USP18: variants seen among roughly 807,000 people sequenced by gnomAD.
USP18 encodes the protein ubl carboxyl-terminal hydrolase 18.
Under a neutral mutation model 48.7 loss-of-function variants are expected in USP18, and 11 were observed. That is an observed-to-expected ratio of 0.23 (90% CI 0.14 to 0.37). USP18 has a LOEUF of 0.37. Ranked by LOEUF, USP18 falls within the 10% of genes least tolerant of loss-of-function variation. USP18 has a pLI of 1.00. For missense variants in USP18, 285 were observed against 436.4 expected, an observed-to-expected ratio of 0.65 and a Z score of 3.09; for synonymous variants, 114 against 163.2, an observed-to-expected ratio of 0.70 and a Z score of 2.30.
At chr22:18,167,690 T>C (rs1260218302) in intron 5 of USP18, among the ~76,000 whole-genome samples, 200 bp from the exon 6 acceptor site, 1 of 122,360 alleles carries the variant, frequency 8.2e-6, no homozygotes. Context: ...AGAGCGAGAC[T>C]CTGTCTCAAA....
intron 1 of USP18, among the ~76,000 whole-genome samples, chr22:18,152,500 T>C (rs1929026093): frequency 6.6e-6 from 1 of 151,194 alleles, no homozygotes; most frequent in Non-Finnish European, 1.5e-5. Flanking sequence ...GGAGCTAAGT[T>C]AGTTTAGTAT....
At chr22:18,175,063 G>A (rs1346110370) in intron 10 of USP18, among the ~76,000 whole-genome samples, 6 of 152,188 alleles carry the variant, frequency 3.9e-5, no homozygotes, top group East Asian at 3.9e-4. Flanking sequence ...ACAGGCGCCC[G>A]CCACCACGCC....
chr22:18,159,368 CT>C lies in USP18; in HGVS notation c.158-799del, dbSNP rs146408107. 8.6e-3 allele frequency among the ~76,000 whole-genome samples: 1,312 copies of C among 152,014 alleles called. 5 individuals are homozygous for C. The highest frequency in any genetic ancestry group is 0.014 in the Middle Eastern group (4 of 294). On this transcript the variant is annotated intron_variant, in intron 2 of 10. Coordinates refer to ENST00000215794, the MANE Select transcript of USP18 (RefSeq NM_017414.4). ...ACTGTGCTTGGCCCTTGTGATAGAG[CT>C]TTTTAAAGATTCATGTTTGATATCT... is the stretch of plus-strand genomic sequence containing the variant.
chr22:18,164,340 G>C (rs1425209993), intron 4 of USP18, among the ~76,000 whole-genome samples: 1 of 151,920 alleles, frequency 6.6e-6, no homozygotes, highest in East Asian at 1.9e-4. Flanking sequence ...GGGCCTGGGG[G>C]GATGTTCTTT....
intron 7 of USP18, among the ~76,000 whole-genome samples, chr22:18,170,263 G>T (rs1319521748): frequency 1.3e-5 from 2 of 151,776 alleles, no homozygotes; most frequent in Non-Finnish European, 2.9e-5. Context: ...CACTAGTCTG[G>T]GGTTGCCCCC....
At chr22:18,150,512 A>C (rs1401846938) in intron 1 of USP18, among the ~76,000 whole-genome samples, 1 of 152,262 alleles carries the variant, frequency 6.6e-6, no homozygotes, top group Non-Finnish European at 1.5e-5. Context: ...TGTGTCTCGC[A>C]GTCTTCCACT....
chr22:18,174,149 T>C (rs1217174682), intron 10 of USP18, among the ~76,000 whole-genome samples: 1 of 152,156 alleles, frequency 6.6e-6, no homozygotes, highest in Non-Finnish European at 1.5e-5. Flanking sequence ...TTCATACTCA[T>C]GGCCTTTTCC....
At chr22:18,157,337 C>G (rs62229509) in intron 1 of USP18, among the ~76,000 whole-genome samples, 1 of 152,136 alleles carries the variant, frequency 6.6e-6, no homozygotes, top group Non-Finnish European at 1.5e-5. Context: ...AGGGCGCTCC[C>G]GGTTAGGATT....
At position 18,173,140 on chromosome 22, in the gene USP18, C is replaced by T. The variant is rs887507051; in HGVS notation, c.892-10C>T. ...GGTGGGTGAACTGTCTCGTGCCTGT[C>T]TCTTTCCAGTCTGGAGGGCAGTATG... On this transcript the variant is annotated splice_polypyrimidine_tract_variant and intron_variant, in intron 8 of 10. Coordinates refer to ENST00000215794, the MANE Select transcript of USP18 (RefSeq NM_017414.4). 4 of 1,577,798 alleles carry T rather than the reference C, an allele frequency of 2.5e-6. No homozygotes were observed. In the African/African-American group the frequency reaches 4.1e-5, roughly 16 times the overall value.
chr22:18,160,681 G>GGAAA (rs762370850), intron 3 of USP18, among the ~76,000 whole-genome samples: 1 of 151,956 alleles, frequency 6.6e-6, no homozygotes, highest in Non-Finnish European at 1.5e-5. Flanking sequence ...AGCTGGCAGA[G>GGAAA]GAAAGATTGG....
chr22:18,156,546 C>G lies in USP18; in HGVS notation c.-106-1012C>G, dbSNP rs553843021. 6.6e-5 allele frequency among the ~76,000 whole-genome samples: 10 copies of G among 152,096 alleles called. No individual in the cohort carries two copies. In the East Asian group the frequency reaches 1.2e-3, roughly 18 times the overall value. On this transcript the variant is annotated intron_variant, in intron 1 of 10. Coordinates refer to ENST00000215794, the MANE Select transcript of USP18 (RefSeq NM_017414.4). ...ACCAGGAGGGACTAACAACTCCAGA[C>G]GCGCTGCCTTAAGAGCTGTAACACT...
At chr22:18,168,115 T>C (rs547601689) in intron 6 of USP18, 79 bp downstream of exon 6, 1 of 1,571,752 alleles carries the variant, frequency 6.4e-7, no homozygotes, top group African/African-American at 1.4e-5. Context: ...TATCTGAGAC[T>C]AGGTAATTTA....
chr22:18,172,126 T>C (rs1929644121), intron 8 of USP18, among the ~76,000 whole-genome samples: 1 of 152,140 alleles, frequency 6.6e-6, no homozygotes, highest in Non-Finnish European at 1.5e-5. Context: ...GACTTTGTTA[T>C]GGAACATTAC....
At position 18,164,783 on chromosome 22, in the gene USP18, T is replaced by A. The variant is rs543102047; in HGVS notation, c.401-2472T>A. The stretch of plus-strand genomic sequence containing the variant: ...CAGAGGATTCATAACTGCTGACCCA[T>A]GTCTGCTCCCAGAGCTAGGTGACCC... On this transcript the variant is annotated intron_variant, in intron 4 of 10. Coordinates refer to ENST00000215794, the MANE Select transcript of USP18 (RefSeq NM_017414.4). Among the ~76,000 whole-genome samples the A allele has an allele frequency of 3.9e-5, 6 of 152,256 alleles. No homozygotes were observed. The South Asian group carries it at 1.0e-3, about 26-fold the overall frequency.
rs1301192062 is a variant in USP18, at chr22:18,152,593, G to A, written c.-107+2371G>A. Among the ~76,000 whole-genome samples the A allele has an allele frequency of 3.3e-5, 5 of 152,062 alleles. No homozygotes were observed. In the East Asian group the frequency reaches 7.7e-4, roughly 24 times the overall value. ...GGCCTGGGGGTCTTTTTTTGAGTCA[G>A]CAGTTGAGTTTGAAAATCCCCTTCC... On this transcript the variant is annotated intron_variant, in intron 1 of 10. Transcript: ENST00000215794.
At chr22:18,152,892 G>A (rs1929035670) in intron 1 of USP18, among the ~76,000 whole-genome samples, 1 of 152,088 alleles carries the variant, frequency 6.6e-6, no homozygotes, top group Non-Finnish European at 1.5e-5. Context: ...AGGTCTTGGC[G>A]GAGAAGAGGA....
chr22:18,168,158 G>A (rs1929531741), intron 6 of USP18, 122 bp downstream of exon 6: 1 of 1,474,004 alleles, frequency 6.8e-7, no homozygotes, highest in Non-Finnish European at 9.1e-7. Flanking sequence ...GGAAGTCAAG[G>A]TTGAGGGGCT....
chr22:18,174,648 G>A (rs1929733238), intron 10 of USP18, among the ~76,000 whole-genome samples: 1 of 151,842 alleles, frequency 6.6e-6, no homozygotes, highest in Non-Finnish European at 1.5e-5. Flanking sequence ...GAGCACTGTG[G>A]TGTGATCATA....
intron 6 of USP18, among the ~76,000 whole-genome samples, chr22:18,168,635 C>T (rs1929547590): frequency 6.6e-6 from 1 of 152,166 alleles, no homozygotes; most frequent in Non-Finnish European, 1.5e-5. Context: ...ACTTCATGAT[C>T]CACCTGCCTC....
Sources: gnomAD v4.1 joint callset for allele counts (sites outside exome capture counted in the v4.1 genomes callset) on GRCh38, gnomAD v4.1.1 for gene constraint, MANE v1.5 for transcripts, NCBI Gene and HGNC (gene_info 2026-07-23, HGNC 2026-07-21) for gene names.